Variants in SAMD15 observed in about 807,000 individuals in gnomAD.
SAMD15 encodes the protein sterile alpha motif domain-containing protein 15.
SAMD15 carries 37 observed loss-of-function variants against 50.5 expected under a neutral mutation model. The ratio of observed to expected loss-of-function variants is 0.73; its 90% CI spans 0.56 to 0.96. The LOEUF (loss-of-function observed/expected upper bound fraction) is 0.96, where lower values mean the gene tolerates loss of function less well. Among genes scored for constraint, SAMD15 ranks in the 40% least tolerant of loss-of-function variants. The probability of loss-of-function intolerance (pLI) is 0.00; values close to 1 mark genes in which losing one functional copy is unlikely to be tolerated. For missense variants in SAMD15, 789 were observed against 783.8 expected (o/e 1.01, Z -0.08); for synonymous variants, 255 against 282.8 (o/e 0.90, Z 0.99).
In SAMD15 at chr14:77,380,458, A is replaced by G; in HGVS notation, c.1765A>G (p.Ile589Val). ...CTGCTCAAACCTCCCTCAGATGGGG[A>G]TAACAAACTTTGAGGACATGAAGGT... Reference protein sequence around the residue: ...VNCSNLPQMGITNFEDMKAIS... With the variant: ...VNCSNLPQMGVTNFEDMKAIS... The change falls in exon 2 of 3, where the codon ATA becomes GTA. Residue 589 changes from isoleucine (I) to valine (V), a missense_variant. Physicochemically the swap from Ile to Val is conservative, Grantham distance 29. Transcript: ENST00000216471. 6.2e-7 allele frequency: 1 copy of G among 1,613,402 alleles called. No homozygotes were observed. The highest frequency in any genetic ancestry group is 2.2e-5 in the East Asian group (1 of 44,858).
chr14:77,389,496 ATTTT>A (rs768983521), intron 2 of SAMD15, among the ~76,000 whole-genome samples: 6 of 111,652 alleles, frequency 5.4e-5, no homozygotes, highest in African/African-American at 2.2e-4. Context: ...GGCAATCACA[ATTTT>A]TTTTTTTTTT....
rs139745626 is a variant in SAMD15, at chr14:77,378,013, G to C, written c.595G>C (p.Val199Leu). ...EPGVPEESLR[V>L]QHEETGLEPP... ...GGGGGTTCCAGAGGAATCACTTAGA[G>C]TGCAACATGAAGAGACAGGTCTAGA... The change falls in exon 1 of 3, where the codon GTG (valine) becomes CTG (leucine). Residue 199 changes from valine to leucine, a missense_variant. By Grantham distance (32) the Val-to-Leu change is conservative (BLOSUM62 1). This residue lies in a region of SAMD15 where 770 missense variants were observed against 745.4 expected (regional missense o/e 1.03). Transcript: ENST00000216471. 1.7e-5 allele frequency: 27 copies of C among 1,613,838 alleles called. No individual in the cohort carries two copies. The African/African-American group carries it at 2.9e-4, about 18-fold the overall frequency.
chr14:77,386,437 A>G (rs1184964729), intron 2 of SAMD15, among the ~76,000 whole-genome samples: 1 of 152,118 alleles, frequency 6.6e-6, no homozygotes, highest in Non-Finnish European at 1.5e-5. Flanking sequence ...ATGTTGTTAG[A>G]TGAATCAACA....
chr14:77,391,685 G>A lies in SAMD15; in HGVS notation c.*441G>A, dbSNP rs140785651. The stretch of plus-strand genomic sequence containing the variant: ...TTCCTAGTTGTGTCTCTGACTTATG[G>A]TACCCTCCCTTTCTTTTTGCAATTT... On this transcript the variant is annotated 3_prime_UTR_variant, in exon 3 of 3. Transcript: ENST00000216471. 1.2e-3 allele frequency among the ~76,000 whole-genome samples: 178 copies of A among 152,122 alleles called. 1 individual carries two copies. The highest frequency in any genetic ancestry group is 2.0e-3 in the African/African-American group (81 of 41,496).
At chr14:77,389,046 A>G (rs1294924834) in intron 2 of SAMD15, among the ~76,000 whole-genome samples, 2 of 152,000 alleles carry the variant, frequency 1.3e-5, no homozygotes, top group African/African-American at 4.8e-5. Flanking sequence ...GCTTTTGCAT[A>G]TCCACTGCAC....
At chr14:77,385,382 T>C (rs1452714177) in intron 2 of SAMD15, among the ~76,000 whole-genome samples, 2 of 151,472 alleles carry the variant, frequency 1.3e-5, no homozygotes, top group East Asian at 3.9e-4. Flanking sequence ...GCCTCCCAGG[T>C]TCAAGCAATT....
intron 2 of SAMD15, among the ~76,000 whole-genome samples, chr14:77,390,566 A>G (rs1258927677): frequency 1.3e-5 from 2 of 152,126 alleles, no homozygotes; most frequent in Admixed American, 1.3e-4. Flanking sequence ...TAAGCCTGTG[A>G]ATTTGTTTCA....
chr14:77,378,164 C>T lies in SAMD15; in HGVS notation c.746C>T (p.Thr249Ile), dbSNP rs1893877984. Reference sequence around the variant, plus strand: ...CCAGAGGAGACACAAAGAGAGTCAACTGAGAAGAAAAGGACAGAGCCACCC... The same window carrying T: ...CCAGAGGAGACACAAAGAGAGTCAATTGAGAAGAAAAGGACAGAGCCACCC... ...ETPEETQRES[T>I]EKKRTEPPEQ... Residue 249 changes from threonine to isoleucine, a missense_variant, in exon 1 of 3, where the codon ACT becomes ATT. Thr to Ile is a moderately conservative substitution (Grantham distance 89). Around this residue, in one of 2 missense-constraint regions of SAMD15, gnomAD observed 770 missense variants for 745.4 expected, o/e 1.03. Coordinates refer to ENST00000216471, the MANE Select transcript of SAMD15 (RefSeq NM_001010860.4). 1 of 1,613,276 alleles carries T rather than the reference C, an allele frequency of 6.2e-7. No individual in the cohort carries two copies. Among genetic ancestry groups the T allele is most frequent in the Non-Finnish European group, 8.5e-7 (1 of 1,179,838 alleles).
intron 2 of SAMD15, among the ~76,000 whole-genome samples, chr14:77,387,471 T>A (rs1894017528): frequency 6.6e-6 from 1 of 152,054 alleles, no homozygotes; most frequent in South Asian, 2.1e-4. Context: ...AACTGCAGTT[T>A]TAGTTCAATC....
chr14:77,381,767 C>G (rs771168712), intron 2 of SAMD15, among the ~76,000 whole-genome samples: 2 of 152,100 alleles, frequency 1.3e-5, no homozygotes, highest in Admixed American at 6.6e-5. Flanking sequence ...CCTAACTGAG[C>G]GTTTACTTTC....
Position 77,378,323 on chromosome 14 carries a change from CAG to C in SAMD15, c.907_908del (p.Glu303ThrfsTer3). 6.2e-7 allele frequency: 1 copy of C among 1,611,748 alleles called. No individual in the cohort carries two copies. Among genetic ancestry groups the C allele is most frequent in the Non-Finnish European group, 8.5e-7 (1 of 1,179,488 alleles). On this transcript the variant is annotated frameshift_variant, in exon 1 of 3. Transcript: ENST00000216471. LOFTEE classifies it high-confidence loss of function. Reference sequence around the variant, plus strand: ...AGAAAGGCAACTGAGGAGAAAGGGACAGAACTACCTGAGCGGACTAAACCAGA... The same window carrying C: ...AGAAAGGCAACTGAGGAGAAAGGGACAACTACCTGAGCGGACTAAACCAGA...
At chr14:77,386,503 G>T (rs1314987676) in intron 2 of SAMD15, among the ~76,000 whole-genome samples, 1 of 152,150 alleles carries the variant, frequency 6.6e-6, no homozygotes, top group Non-Finnish European at 1.5e-5. Context: ...TAGGCTGGCT[G>T]CAGTGGCTTG....
At position 77,377,397 on chromosome 14, in the gene SAMD15, C is replaced by T. The variant is rs1370201527; in HGVS notation, c.-22C>T. On this transcript the variant is annotated 5_prime_UTR_variant, in exon 1 of 3. Transcript: ENST00000216471. ...GGAAGTTGGGGTTGCTAGGAAGCCG[C>T]GGCGCGTCTGCTAAGCTGCAAATGG... The T allele has an allele frequency of 1.9e-6, 3 of 1,573,460 alleles. No individual in the cohort carries two copies. The highest frequency in any genetic ancestry group is 2.6e-6 in the Non-Finnish European group (3 of 1,160,958).
rs532604669 is a variant in SAMD15 at position 77,379,206 on chromosome 14, G to A, written c.1689+99G>A. The A allele has an allele frequency of 1.1e-5, 12 of 1,120,996 alleles. No individual in the cohort carries two copies. In the African/African-American group the frequency reaches 1.7e-4, roughly 16 times the overall value. The allele number at this position is 1,120,996 out of a possible 1,614,324, so 69.4% of individuals were successfully genotyped here. On this transcript the variant is annotated intron_variant, in intron 1 of 2. Coordinates refer to ENST00000216471, the MANE Select transcript of SAMD15 (RefSeq NM_001010860.4). Reference sequence around the variant, plus strand: ...AGCTCTTACCTCTTTACCGGAAGGAGTATCAAAAAGTCCTAGACTGTGGTA... The same window carrying A: ...AGCTCTTACCTCTTTACCGGAAGGAATATCAAAAAGTCCTAGACTGTGGTA...
intron 2 of SAMD15, among the ~76,000 whole-genome samples, chr14:77,389,126 C>A (rs976270807): frequency 2.0e-5 from 3 of 150,216 alleles, no homozygotes; most frequent in African/African-American, 4.9e-5. Context: ...AACAAACAAA[C>A]AAAAAAAAAC....
At position 77,392,053 on chromosome 14, in the gene SAMD15, A is replaced by AAAAC. The variant is rs139021667; in HGVS notation, c.*821_*824dup. On this transcript the variant is annotated 3_prime_UTR_variant, in exon 3 of 3. Transcript: ENST00000216471. ...TGGGTGACAGAGTGAGACTCTGTCT[A>AAAAC]AAACAAACAAACAAAACAAAGCAAA... Among the ~76,000 whole-genome samples, 3 of 151,898 alleles carry AAAAC rather than the reference A, an allele frequency of 2.0e-5. No homozygotes were observed. Among genetic ancestry groups the AAAAC allele is most frequent in the Admixed American group, 6.6e-5 (1 of 15,238 alleles).
intron 2 of SAMD15, 36 bp from the exon 3 acceptor site, chr14:77,390,972 G>T: frequency 7.9e-7 from 1 of 1,260,862 alleles, no homozygotes; most frequent in Non-Finnish European, 1.1e-6. Flanking sequence ...TGTGTTTTCA[G>T]GTTAGTCTAA....
chr14:77,387,937 G>A (rs1894024617), intron 2 of SAMD15, among the ~76,000 whole-genome samples: 1 of 152,140 alleles, frequency 6.6e-6, no homozygotes, highest in Non-Finnish European at 1.5e-5. Context: ...CAGCTACTTG[G>A]GAGGCCGAGG....
At position 77,391,061 on chromosome 14, in the gene SAMD15, A is replaced by C. The variant is rs778395006; in HGVS notation, c.1842A>C (p.Lys614Asn). The C allele has an allele frequency of 1.9e-6, 3 of 1,613,924 alleles. No homozygotes were observed. The African/African-American group carries it at 4.0e-5, about 22-fold the overall frequency. Residue 614 changes from lysine to asparagine, a missense_variant, in exon 3 of 3, where the codon AAA (lysine) becomes AAC (asparagine). Physicochemically the swap from Lys to Asn is moderately conservative, Grantham distance 94. This residue lies in a region of SAMD15 where 770 missense variants were observed against 745.4 expected (regional missense o/e 1.03). Coordinates refer to ENST00000216471, the MANE Select transcript of SAMD15 (RefSeq NM_001010860.4). Reference sequence around the variant, plus strand: ...TGGAAATTGAAGAGCCATTATTCAAACGCTCCATCAGCCTTCCCTATAGGG... The same window carrying C: ...TGGAAATTGAAGAGCCATTATTCAACCGCTCCATCAGCCTTCCCTATAGGG... The part of the protein sequence containing the change: ...ELLEIEEPLF[K>N]RSISLPYRDI...
Sources: gnomAD v4.1 joint callset for allele counts (sites outside exome capture counted in the v4.1 genomes callset) on GRCh38, gnomAD v4.1.1 for gene constraint, gnomAD v4.1.1 regional missense constraint, MANE v1.5 for transcripts, NCBI Gene and HGNC (gene_info 2026-07-23, HGNC 2026-07-21) for gene names.